NRXN1: variants seen among roughly 807,000 people sequenced by gnomAD.
NRXN1 encodes the protein neurexin-1.
A neutral mutation model predicts 150.9 loss-of-function variants in NRXN1; 39 were observed. The ratio of observed to expected loss-of-function variants is 0.26; its 90% confidence interval spans 0.20 to 0.34. The LOEUF (loss-of-function observed/expected upper bound fraction) is 0.34, where lower values mean the gene tolerates loss of function less well. Among genes scored for constraint, NRXN1 ranks in the 10% least tolerant of loss-of-function variants. The probability of loss-of-function intolerance (pLI) is 1.00; values close to 1 mark genes in which losing one functional copy is unlikely to be tolerated. For missense variants in NRXN1, 1,815 were observed against 1,949.9 expected (o/e 0.93, Z 1.30); for synonymous variants, 924 against 757.0 (o/e 1.22, Z -3.62).
chr2:50,510,552 C>G (rs1256412652), intron 12 of NRXN1, among the ~76,000 whole-genome samples: 1 of 148,922 alleles, frequency 6.7e-6, no homozygotes, highest in Admixed American at 6.7e-5. Context: ...AAGACCATAG[C>G]CTTATGTCTA....
At chr2:50,173,984 T>C (rs1489971947) in intron 18 of NRXN1, among the ~76,000 whole-genome samples, 4 of 152,100 alleles carry the variant, frequency 2.6e-5, no homozygotes, top group Admixed American at 6.6e-5. Flanking sequence ...CTTCAGATGA[T>C]GGATCCTACC....
intron 17 of NRXN1, among the ~76,000 whole-genome samples, chr2:50,254,052 T>C (rs2067436942): frequency 6.6e-6 from 1 of 152,008 alleles, no homozygotes. Context: ...CCTGGGCTTC[T>C]TTTGGTTGGT....
intron 2 of NRXN1, among the ~76,000 whole-genome samples, chr2:51,009,579 T>C (rs1469211584): frequency 2.0e-5 from 3 of 152,072 alleles, no homozygotes; most frequent in African/African-American, 7.2e-5. Context: ...GTCTACTAAG[T>C]AATTATTGAT....
chr2:50,537,144 C>A (rs775400436), intron 10 of NRXN1, among the ~76,000 whole-genome samples: 3 of 152,080 alleles, frequency 2.0e-5, no homozygotes, highest in Non-Finnish European at 2.9e-5. Flanking sequence ...AAAACAACCC[C>A]TCTTTTTCCT....
chr2:50,444,951 T>C (rs1165691738), intron 17 of NRXN1, among the ~76,000 whole-genome samples: 2 of 152,158 alleles, frequency 1.3e-5, no homozygotes, highest in African/African-American at 2.4e-5. Context: ...CCCCCTTAAA[T>C]TTAACACTCA....
At chr2:50,216,698 A>T (rs1208843314) in intron 18 of NRXN1, among the ~76,000 whole-genome samples, 1 of 152,056 alleles carries the variant, frequency 6.6e-6, no homozygotes, top group East Asian at 1.9e-4. Context: ...TTAGGGAACA[A>T]AATGACTACA....
chr2:50,458,103 A>G (rs975586610), intron 17 of NRXN1, among the ~76,000 whole-genome samples: 1 of 152,200 alleles, frequency 6.6e-6, no homozygotes, highest in Non-Finnish European at 1.5e-5. Context: ...GGATAAACGG[A>G]TAAAGAAAAA....
At chr2:50,977,290 T>C (rs1696003138) in intron 2 of NRXN1, among the ~76,000 whole-genome samples, 1 of 151,880 alleles carries the variant, frequency 6.6e-6, no homozygotes, top group Non-Finnish European at 1.5e-5. Context: ...TTTTGCTCAA[T>C]ATTTCATAAG....
chr2:50,588,670 A>C (rs1230098554), intron 8 of NRXN1: 1 of 152,130 alleles, frequency 6.6e-6, no homozygotes, highest in African/African-American at 2.4e-5. Context: ...ATTAGAAATT[A>C]GTTATATTTC....
chr2:51,000,840 T>C (rs1425925778), intron 2 of NRXN1, among the ~76,000 whole-genome samples: 1 of 152,004 alleles, frequency 6.6e-6, no homozygotes, highest in Non-Finnish European at 1.5e-5. Flanking sequence ...GAAGATCATT[T>C]ACAAAAGATG....
At chr2:50,592,854 C>T (rs1674515065) in intron 8 of NRXN1, among the ~76,000 whole-genome samples, 1 of 152,154 alleles carries the variant, frequency 6.6e-6, no homozygotes, top group African/African-American at 2.4e-5. Context: ...TGTCCAAGTG[C>T]AGAGAACAAA....
At chr2:50,172,944 G>T (rs369906783) in intron 18 of NRXN1, among the ~76,000 whole-genome samples, 2 of 152,086 alleles carry the variant, frequency 1.3e-5, no homozygotes, top group Admixed American at 6.5e-5. Context: ...TCCAGCCTGG[G>T]CAACAGAGGG....
intron 17 of NRXN1, among the ~76,000 whole-genome samples, chr2:50,300,862 A>G (rs376007449): frequency 2.0e-5 from 3 of 152,112 alleles, no homozygotes; most frequent in African/African-American, 7.2e-5. Context: ...CGCCTGGCTA[A>G]TTTTTGTCTT....
chr2:50,156,705 A>T (rs936725731), intron 18 of NRXN1, among the ~76,000 whole-genome samples: 2 of 151,972 alleles, frequency 1.3e-5, no homozygotes, highest in Non-Finnish European at 2.9e-5. Context: ...TAGTTCCTTC[A>T]TTGAAAGGAA....
At chr2:49,939,115 C>A (rs962076022) in intron 22 of NRXN1, among the ~76,000 whole-genome samples, 4 of 152,116 alleles carry the variant, frequency 2.6e-5, no homozygotes, top group African/African-American at 9.7e-5. Context: ...ACTCATATAG[C>A]ACTTATTTTG....
chr2:50,146,966 T>C (rs1708094005), intron 18 of NRXN1, among the ~76,000 whole-genome samples: 1 of 151,736 alleles, frequency 6.6e-6, no homozygotes, highest in Non-Finnish European at 1.5e-5. Context: ...TGTAAAATTT[T>C]CAAGTAATTT....
intron 2 of NRXN1, among the ~76,000 whole-genome samples, chr2:50,968,863 C>T (rs893741662): frequency 7.2e-5 from 11 of 152,010 alleles, no homozygotes; most frequent in Non-Finnish European, 1.3e-4. Context: ...GTCACTTCTT[C>T]GTTCCATGTC....
At chr2:50,779,462 A>C (rs1299215535) in intron 5 of NRXN1, among the ~76,000 whole-genome samples, 1 of 152,158 alleles carries the variant, frequency 6.6e-6, no homozygotes, top group Non-Finnish European at 1.5e-5. Flanking sequence ...GCCATTGTGA[A>C]CAGTGCAGCA....
chr2:50,794,616 T>C (rs1471441356), intron 5 of NRXN1, among the ~76,000 whole-genome samples: 2 of 152,164 alleles, frequency 1.3e-5, no homozygotes, highest in Non-Finnish European at 2.9e-5. Flanking sequence ...CAATTACTTA[T>C]TTTTTATCAC....
Sources: allele counts gnomAD v4.1 joint callset (sites outside exome capture counted in the v4.1 genomes callset), GRCh38; gene constraint gnomAD v4.1.1; transcripts MANE v1.5; gene names NCBI Gene and HGNC (gene_info 2026-07-23, HGNC 2026-07-21).